Variants in XIRP2 observed in about 807,000 individuals in gnomAD.
XIRP2 encodes xin actin-binding repeat-containing protein 2.
In XIRP2, 236 loss-of-function variants were observed where a neutral mutation model predicts 277.0. The ratio of observed to expected loss-of-function variants is 0.85; its 90% CI spans 0.77 to 0.95. The LOEUF (loss-of-function observed/expected upper bound fraction) is 0.95, where lower values mean the gene tolerates loss of function less well. Among genes scored for constraint, XIRP2 ranks in the 40% least tolerant of loss-of-function variants. The pLI is 0.00. For missense variants in XIRP2, 4,640 were observed against 4,157.5 expected (o/e 1.12, Z -3.19); for synonymous variants, 1,490 against 1,416.5 (o/e 1.05, Z -1.17).
At chr2:167,081,308 A>C (rs1209925941) in intron 2 of XIRP2, among the ~76,000 whole-genome samples, 1 of 152,102 alleles carries the variant, frequency 6.6e-6, no homozygotes, top group Non-Finnish European at 1.5e-5. Flanking sequence ...GTCTGCAAAA[A>C]ATAAAAATTA....
intron 2 of XIRP2, among the ~76,000 whole-genome samples, chr2:166,905,539 C>G (rs1684494596): frequency 6.6e-6 from 1 of 151,834 alleles, no homozygotes; most frequent in South Asian, 2.1e-4. Flanking sequence ...TTAAAACCAC[C>G]ATTTGCCTTG....
intron 2 of XIRP2, among the ~76,000 whole-genome samples, chr2:167,080,289 G>A (rs900178638): frequency 6.6e-6 from 1 of 152,176 alleles, no homozygotes; most frequent in Non-Finnish European, 1.5e-5. Context: ...ACCAGATAAT[G>A]AGAAATTTTA....
intron 2 of XIRP2, among the ~76,000 whole-genome samples, chr2:167,061,276 A>G (rs1689165803): frequency 6.6e-6 from 1 of 152,032 alleles, no homozygotes; most frequent in South Asian, 2.1e-4. Context: ...TTCTACATGA[A>G]CAATCATGTT....
intron 4 of XIRP2, among the ~76,000 whole-genome samples, chr2:167,217,175 C>G (rs1207834826): frequency 6.7e-6 from 1 of 149,056 alleles, no homozygotes; most frequent in Non-Finnish European, 1.5e-5. Context: ...GGAGATATAC[C>G]TAATGCTAGA....
intron 3 of XIRP2, among the ~76,000 whole-genome samples, chr2:167,201,052 G>A (rs911453175): frequency 3.3e-5 from 5 of 151,472 alleles, no homozygotes; most frequent in African/African-American, 1.2e-4. Flanking sequence ...CTTGAACCTG[G>A]GATGCAGAGG....
intron 3 of XIRP2, among the ~76,000 whole-genome samples, chr2:167,186,739 G>A (rs958115244): frequency 2.6e-5 from 4 of 151,726 alleles, no homozygotes; most frequent in East Asian, 3.9e-4. Context: ...CAATATTAAT[G>A]AGCAGGACTC....
Position 167,246,589 on chromosome 2 carries a change from G to A in XIRP2, c.5197G>A (p.Ala1733Thr). Residue 1733 changes from alanine (A) to threonine (T), a missense_variant, in exon 9 of 11, where the codon GCT (alanine) becomes ACT (threonine). By Grantham distance (58) the Ala-to-Thr change is moderately conservative. Transcript: ENST00000409195. ...STSNNKISER[A>T]KIDASERGNV... ...ATCAAACAATAAAATATCTGAAAGG[G>A]CTAAAATTGATGCCTCTGAGAGAGG... 2 of 1,613,756 alleles carry A rather than the reference G, an allele frequency of 1.2e-6. No homozygotes were observed.
At chr2:167,228,186 C>G (rs976891515) in intron 5 of XIRP2, among the ~76,000 whole-genome samples, 9 of 152,100 alleles carry the variant, frequency 5.9e-5, no homozygotes, top group Non-Finnish European at 1.3e-4. Flanking sequence ...ACATTATAGC[C>G]ACACACTATA....
intron 3 of XIRP2, among the ~76,000 whole-genome samples, chr2:167,160,936 G>C (rs1159894600): frequency 6.6e-6 from 1 of 152,170 alleles, no homozygotes; most frequent in Admixed American, 6.5e-5. Context: ...AGATACAATG[G>C]GAGTACAGGT....
chr2:166,903,246 A>C (rs1196737336), intron 1 of XIRP2, among the ~76,000 whole-genome samples: 1 of 152,150 alleles, frequency 6.6e-6, no homozygotes, highest in African/African-American at 2.4e-5. Context: ...CCATGGCTAT[A>C]CAAACCACAC....
intron 5 of XIRP2, among the ~76,000 whole-genome samples, chr2:167,235,042 A>G (rs1417146456): frequency 6.6e-6 from 1 of 151,840 alleles, no homozygotes; most frequent in East Asian, 1.9e-4. Context: ...ACCTCTGTGT[A>G]TGTGTTTGCT....
chr2:166,944,408 G>C (rs1262848569), intron 2 of XIRP2, among the ~76,000 whole-genome samples: 1 of 152,184 alleles, frequency 6.6e-6, no homozygotes, highest in Non-Finnish European at 1.5e-5. Flanking sequence ...TGTGCTTCAT[G>C]TCTTAGCCAG....
intron 2 of XIRP2, among the ~76,000 whole-genome samples, chr2:167,010,406 T>C (rs1687636902): frequency 6.6e-6 from 1 of 151,898 alleles, no homozygotes; most frequent in Admixed American, 6.6e-5. Flanking sequence ...TTCTGAGGGC[T>C]CTGTTCTGTT....
intron 2 of XIRP2, among the ~76,000 whole-genome samples, chr2:167,093,262 G>A (rs1389389518): frequency 6.7e-6 from 1 of 149,716 alleles, no homozygotes; most frequent in Non-Finnish European, 1.5e-5. Context: ...TAATTATCAA[G>A]TGTATGTTTG....
intron 2 of XIRP2, among the ~76,000 whole-genome samples, chr2:167,009,284 A>G (rs1004198253): frequency 7.2e-6 from 1 of 137,936 alleles, no homozygotes; most frequent in Non-Finnish European, 1.5e-5. Context: ...TCATTGTTCA[A>G]TTCCCACCTA....
At position 167,229,995 on chromosome 2, in the gene XIRP2, GA is replaced by G. The variant is rs576866500; in HGVS notation, c.859-9859del. On this transcript the variant is annotated intron_variant, in intron 5 of 10. Transcript: ENST00000409195. Reference sequence around the variant, plus strand: ...CTGTTCACCTCTTCAGGAATGAGTGGAGGCCACTTAGTTTCTCACTCTTTGA... The same window carrying G: ...CTGTTCACCTCTTCAGGAATGAGTGGGGCCACTTAGTTTCTCACTCTTTGA... Among the ~76,000 whole-genome samples, 1,045 of 152,102 alleles carry G rather than the reference GA, an allele frequency of 6.9e-3. 6 individuals are homozygous for G. The highest frequency in any genetic ancestry group is 0.011 in the Non-Finnish European group (719 of 67,962).
chr2:167,021,817 C>A (rs1687991655), intron 2 of XIRP2, among the ~76,000 whole-genome samples: 1 of 151,838 alleles, frequency 6.6e-6, no homozygotes, highest in Non-Finnish European at 1.5e-5. Flanking sequence ...AGAGAGAGAT[C>A]CTGTCTCAAA....
chr2:167,013,284 C>T (rs1687731374), intron 2 of XIRP2, among the ~76,000 whole-genome samples: 2 of 151,274 alleles, frequency 1.3e-5, no homozygotes, highest in Admixed American at 6.6e-5. Flanking sequence ...GAATATATTA[C>T]AATAATGCTT....
In XIRP2 at chr2:167,244,758, A is replaced by C. The variant is rs1174262173; in HGVS notation, c.3366A>C (p.Gly1122=). Residue 1122 remains glycine (G), a synonymous_variant, in exon 9 of 11, where the codon GGA becomes GGC. Coordinates refer to ENST00000409195, the MANE Select transcript of XIRP2 (RefSeq NM_152381.6). ...LMTSSEEIHK[G]DVKTCTWLFE... is the part of the protein sequence containing the mutation. ...CCAGCAGTGAAGAAATTCATAAGGG[A>C]GATGTCAAAACTTGTACTTGGCTCT... 1 of 1,613,264 alleles carries C rather than the reference A, an allele frequency of 6.2e-7. No individual in the cohort carries two copies. Among genetic ancestry groups the C allele is most frequent in the African/African-American group, 1.3e-5 (1 of 74,828 alleles).
Sources: gnomAD v4.1 joint callset for allele counts (sites outside exome capture counted in the v4.1 genomes callset) on GRCh38, gnomAD v4.1.1 for gene constraint, MANE v1.5 for transcripts, NCBI Gene and HGNC (gene_info 2026-07-23, HGNC 2026-07-21) for gene names.